CYFIP1: variants seen among roughly 807,000 people sequenced by gnomAD.
CYFIP1 encodes the protein cytoplasmic FMR1-interacting protein 1.
A neutral mutation model predicts 163.5 loss-of-function variants in CYFIP1; 58 were observed. The observed-to-expected ratio is 0.35, with a 90% CI of 0.29 to 0.44. CYFIP1 has a LOEUF of 0.44. Among genes scored for constraint, CYFIP1 ranks in the 20% least tolerant of loss-of-function variants. CYFIP1 has a pLI of 1.00. For missense variants in CYFIP1, 1,338 were observed against 1,653.8 expected (o/e 0.81, Z 3.31); for synonymous variants, 663 against 660.7 (o/e 1.00, Z -0.05).
intron 22 of CYFIP1, among the ~76,000 whole-genome samples, chr15:22,899,326 AT>A (rs2060326639): frequency 1.3e-5 from 2 of 152,192 alleles, no homozygotes; most frequent in African/African-American, 2.4e-5. Flanking sequence ...TATAGTTTTA[AT>A]ACGTAGGTAA....
At chr15:22,899,313 A>G (rs1276232575) in intron 22 of CYFIP1, among the ~76,000 whole-genome samples, 2 of 152,180 alleles carry the variant, frequency 1.3e-5, no homozygotes, top group African/African-American at 4.8e-5. Flanking sequence ...ATCAGTATAA[A>G]CTTATAGTTT....
At chr15:22,928,897 C>T (rs1374684862) in intron 11 of CYFIP1, among the ~76,000 whole-genome samples, 2 of 151,824 alleles carry the variant, frequency 1.3e-5, no homozygotes, top group Non-Finnish European at 2.9e-5. Flanking sequence ...CCCTGAGCAG[C>T]TCTAAACACC....
chr15:22,944,705 C>T, intron 4 of CYFIP1, 46 bp from the exon 5 acceptor site: 8 of 1,568,182 alleles, frequency 5.1e-6, no homozygotes, highest in Non-Finnish European at 7.0e-6. Context: ...TTGATCCAGC[C>T]AGAAGCAGCC....
chr15:22,891,324 T>G (rs1034911016), intron 23 of CYFIP1, among the ~76,000 whole-genome samples: 4 of 150,186 alleles, frequency 2.7e-5, no homozygotes, highest in African/African-American at 9.8e-5. Flanking sequence ...ACTCGGGAGG[T>G]TGAGGCAGGA....
chr15:22,909,403 G>C, intron 20 of CYFIP1, 90 bp from the exon 21 acceptor site: 1 of 1,543,786 alleles, frequency 6.5e-7, no homozygotes, highest in Admixed American at 1.7e-5. Flanking sequence ...TGGAGAAGCT[G>C]GTCTGTCAAT....
intron 22 of CYFIP1, among the ~76,000 whole-genome samples, chr15:22,901,020 T>C (rs552625584): frequency 3.3e-5 from 5 of 151,518 alleles, no homozygotes; most frequent in South Asian, 2.1e-4. Flanking sequence ...CTGGCCAACA[T>C]AGTGAAACCC....
chr15:22,965,703 C>G (rs914157500), intron 1 of CYFIP1, among the ~76,000 whole-genome samples: 1 of 152,132 alleles, frequency 6.6e-6, no homozygotes, highest in Non-Finnish European at 1.5e-5. Flanking sequence ...ACTAGAGCAC[C>G]TGTATTTTTA....
intron 11 of CYFIP1, 118 bp from the exon 12 acceptor site, chr15:22,928,146 G>A: frequency 8.0e-7 from 1 of 1,242,728 alleles, no homozygotes; most frequent in Non-Finnish European, 1.1e-6. Context: ...AGAAATGCAG[G>A]AGGCCAAGGC....
chr15:22,969,286 A>C (rs2063009462), intron 1 of CYFIP1, among the ~76,000 whole-genome samples: 1 of 152,116 alleles, frequency 6.6e-6, no homozygotes, highest in African/African-American at 2.4e-5. Flanking sequence ...CTCTGCCCCC[A>C]TGGAGGGCCA....
At chr15:22,963,984 A>C (rs1285053162) in intron 1 of CYFIP1, among the ~76,000 whole-genome samples, 1 of 152,120 alleles carries the variant, frequency 6.6e-6, no homozygotes, top group Non-Finnish European at 1.5e-5. Flanking sequence ...GGATGGGCCA[A>C]ACTAATTTAT....
At chr15:22,890,218 A>C (rs2060036390) in intron 23 of CYFIP1, among the ~76,000 whole-genome samples, 1 of 151,072 alleles carries the variant, frequency 6.6e-6, no homozygotes, top group South Asian at 2.1e-4. Flanking sequence ...AGGCTGAGGC[A>C]GGAGAATTGT....
intron 22 of CYFIP1, among the ~76,000 whole-genome samples, chr15:22,894,278 C>CTTTTTTTT (rs57603773): frequency 4.6e-5 from 3 of 65,458 alleles, no homozygotes; most frequent in African/African-American, 6.1e-5. Flanking sequence ...GCAGACTTTT[C>CTTTTTTTT]TTTTTTTTTT....
chr15:22,950,825 G>A (rs550297511), intron 1 of CYFIP1, among the ~76,000 whole-genome samples: 3 of 152,286 alleles, frequency 2.0e-5, no homozygotes, highest in East Asian at 1.9e-4. Context: ...GGTCAGCAGC[G>A]GCCTAAGGCT....
At chr15:22,887,013 CTTATTA>C (rs1002226010) in intron 23 of CYFIP1, among the ~76,000 whole-genome samples, 1 of 152,130 alleles carries the variant, frequency 6.6e-6, no homozygotes, top group Non-Finnish European at 1.5e-5. Flanking sequence ...GGTGGTTTGA[CTTATTA>C]TTATGTAATC....
intron 1 of CYFIP1, among the ~76,000 whole-genome samples, chr15:22,963,360 G>A (rs752824680): frequency 8.5e-5 from 13 of 152,066 alleles, no homozygotes; most frequent in Non-Finnish European, 1.5e-5. Flanking sequence ...CGTGGTGGCA[G>A]ATGCCTGTAG....
At position 22,869,791 on chromosome 15, in the gene CYFIP1, G is replaced by T; in HGVS notation, c.*237C>A. ...GAACATCCCATAGAAAAACAATTTT[G>T]TAGGAACGTGATGGCAACAATCAGC... On this transcript the variant is annotated 3_prime_UTR_variant, in exon 31 of 31. Transcript: ENST00000617928. 2.8e-6 allele frequency: 1 copy of T among 359,662 alleles called. No individual in the cohort carries two copies. The highest frequency in any genetic ancestry group is 4.9e-6 in the Non-Finnish European group (1 of 204,234). 22.3% of individuals were successfully genotyped at this position (359,662 alleles called of 1,614,324 possible). A position where few individuals can be genotyped will look rare whatever the true frequency, so the allele number is the denominator to read the frequency against.
chr15:22,883,625 G>A (rs112095511), intron 23 of CYFIP1, among the ~76,000 whole-genome samples: 5 of 152,046 alleles, frequency 3.3e-5, no homozygotes, highest in Non-Finnish European at 7.4e-5. Flanking sequence ...AGACCATCCT[G>A]GCTAACACGG....
In CYFIP1 at chr15:22,917,805, CCACGG is replaced by C. The variant is rs768153627; in HGVS notation, c.1652_1656del (p.Ala551GlyfsTer31). ...ACGAGAACCTGAGTGCTGGAGGGTC[CCACGG>C]CGCGGCGTGGTACTTTTATGTCGAA... is the stretch of plus-strand genomic sequence containing the variant. On this transcript the variant is annotated frameshift_variant, in exon 15 of 31. Transcript: ENST00000617928. LOFTEE classifies it high-confidence loss of function. This position sits in a 1 kb window ranked among gnomAD's most constrained non-coding sequence, Gnocchi z 4.2. 19 of 1,610,794 alleles carry C rather than the reference CCACGG, an allele frequency of 1.2e-5. No individual in the cohort carries two copies.
At chr15:22,966,186 T>TAA (rs554142641) in intron 1 of CYFIP1, among the ~76,000 whole-genome samples, 10 of 145,186 alleles carry the variant, frequency 6.9e-5, no homozygotes, top group South Asian at 2.2e-4. Context: ...CCGTCTCTAC[T>TAA]AAAAAAAAAA....
Sources: gnomAD v4.1 joint callset for allele counts (sites outside exome capture counted in the v4.1 genomes callset) on GRCh38, gnomAD v4.1.1 for gene constraint, Gnocchi (gnomAD v3.1) non-coding constraint, MANE v1.5 for transcripts, NCBI Gene and HGNC (gene_info 2026-07-23, HGNC 2026-07-21) for gene names.